GDA: variants seen among roughly 807,000 people sequenced by gnomAD.
The protein encoded by GDA is guanine deaminase.
Under a neutral mutation model 59.6 loss-of-function variants are expected in GDA, and 18 were observed. The observed-to-expected ratio is 0.30, with a 90% CI of 0.21 to 0.45. The LOEUF (loss-of-function observed/expected upper bound fraction) is 0.45, where lower values mean the gene tolerates loss of function less well. Ranked by LOEUF, GDA falls within the 20% of genes least tolerant of loss-of-function variation. GDA has a pLI of 1.00. For missense variants in GDA, 427 were observed against 552.3 expected (o/e 0.77, Z 2.27); for synonymous variants, 201 against 201.1 (o/e 1.00, Z 0.00).
chr9:72,253,024 C>G (rs1002531013), downstream of GDA, among the ~76,000 whole-genome samples: 1 of 152,108 alleles, frequency 6.6e-6, no homozygotes, highest in African/African-American at 2.4e-5. Flanking sequence ...ATTTTAGAAT[C>G]TAAATCAAGT....
intron 1 of GDA, among the ~76,000 whole-genome samples, chr9:72,172,974 A>G (rs895673270): frequency 2.0e-5 from 3 of 152,234 alleles, no homozygotes; most frequent in Non-Finnish European, 4.4e-5. Flanking sequence ...GGAGACAAAT[A>G]CCCTAACTGC....
intron 11 of GDA, 97 bp from the exon 12 acceptor site, chr9:72,245,051 C>A: frequency 8.9e-7 from 1 of 1,127,872 alleles, no homozygotes; most frequent in Non-Finnish European, 1.3e-6. Context: ...TTTTTTTCTC[C>A]TAGCGACATG....
rs906025586 is a variant in GDA, at chr9:72,248,864, G to T, written c.*522G>T. The T allele has an allele frequency of 1.0e-5, 10 of 984,294 alleles. No homozygotes were observed. The African/African-American group carries it at 1.7e-4, about 17-fold the overall frequency. 61.0% of individuals were successfully genotyped at this position (984,294 alleles called of 1,614,324 possible). ...GCATACTAATTTAAAAAGAGAACTT[G>T]TTGAAATTTAAAACGTGTTTCTAGG... On this transcript the variant is annotated 3_prime_UTR_variant, in exon 14 of 14. Transcript: ENST00000358399.
rs1231728096 is a variant in GDA, at chr9:72,249,996, T to C, written c.*1654T>C. The C allele has an allele frequency of 2.1e-6, 2 of 957,404 alleles. No homozygotes were observed. The highest frequency in any genetic ancestry group is 3.5e-5 in the African/African-American group (2 of 56,716). The allele number at this position is 957,404 out of a possible 1,614,324, so 59.3% of individuals were successfully genotyped here. A position where few individuals can be genotyped will look rare whatever the true frequency, so the allele number is the denominator to read the frequency against. ...GGGAACAAAAGTTAGTTTTATTTTTTTAATAAACAACAGAGTTTGTTTTGT... is the reference window on the plus strand; with the variant it reads ...GGGAACAAAAGTTAGTTTTATTTTTCTAATAAACAACAGAGTTTGTTTTGT... On this transcript the variant is annotated 3_prime_UTR_variant, in exon 14 of 14. Transcript: ENST00000358399.
chr9:72,199,561 T>G (rs192513279), intron 2 of GDA, among the ~76,000 whole-genome samples: 24 of 152,320 alleles, frequency 1.6e-4, no homozygotes, highest in African/African-American at 5.5e-4. Flanking sequence ...CCAAATATTT[T>G]AAAAGGGCGC....
At chr9:72,154,825 A>T (rs147833279) in intron 1 of GDA, among the ~76,000 whole-genome samples, 145 of 152,324 alleles carry the variant, frequency 9.5e-4, no homozygotes, top group Middle Eastern at 3.4e-3. Flanking sequence ...GACCTCAAAG[A>T]ATCTGCACTT....
chr9:72,116,107 G>T (rs1825428984), intron 1 of GDA, among the ~76,000 whole-genome samples: 1 of 151,920 alleles, frequency 6.6e-6, no homozygotes, highest in African/African-American at 2.4e-5. Flanking sequence ...GATGGTGCAT[G>T]CCTGTAATCC....
chr9:72,185,833 G>A (rs1209385685), intron 1 of GDA, among the ~76,000 whole-genome samples: 1 of 151,992 alleles, frequency 6.6e-6, no homozygotes, highest in Non-Finnish European at 1.5e-5. Flanking sequence ...TTTGGCTTTA[G>A]TATTCCCGAC....
intron 11 of GDA, among the ~76,000 whole-genome samples, chr9:72,242,308 G>A (rs1489382535): frequency 6.6e-6 from 1 of 152,158 alleles, no homozygotes. Context: ...TTAGTTGGTT[G>A]ATATGCAAAT....
intron 1 of GDA, among the ~76,000 whole-genome samples, chr9:72,119,270 C>T (rs1209030963): frequency 2.0e-5 from 3 of 152,114 alleles, no homozygotes; most frequent in Non-Finnish European, 2.9e-5. Context: ...TTCAGGAGGC[C>T]GAGGGGGGCA....
At chr9:72,139,910 A>G (rs1587325973) in intron 1 of GDA, among the ~76,000 whole-genome samples, 2 of 152,324 alleles carry the variant, frequency 1.3e-5, no homozygotes, top group East Asian at 1.9e-4. Context: ...ATCTGTGCCT[A>G]TCAGTTAGTT....
Position 72,249,258 on chromosome 9 carries a change from A to G in GDA, c.*916A>G, listed in dbSNP as rs1051125630. ...AAATGCTGGCATCCAGGAGCCGCCA[A>G]TACTAACAGGACAGGTTCCATTGCC... On this transcript the variant is annotated 3_prime_UTR_variant, in exon 14 of 14. Transcript: ENST00000358399. 1.5e-5 allele frequency: 15 copies of G among 985,276 alleles called. No homozygotes were observed. The highest frequency in any genetic ancestry group is 4.7e-5 in the South Asian group (1 of 21,286). The allele number at this position is 985,276 out of a possible 1,614,324, so 61.0% of individuals were successfully genotyped here.
Position 72,227,409 on chromosome 9 carries a change from A to G in GDA, c.823-534A>G, listed in dbSNP as rs548758609. On this transcript the variant is annotated intron_variant, in intron 8 of 13. Coordinates refer to ENST00000358399, the MANE Select transcript of GDA (RefSeq NM_004293.5). ...GTTAAAAGTTTATTTAGTTGAAAAT[A>G]TCAAGGCCATTGGCACTTACATTGA... Among the ~76,000 whole-genome samples the G allele has an allele frequency of 4.6e-4, 70 of 152,358 alleles. 1 individual carries two copies. Among genetic ancestry groups the G allele is most frequent in the Middle Eastern group, 3.4e-3 (1 of 294 alleles).
At chr9:72,123,128 T>G (rs545355677) in intron 1 of GDA, among the ~76,000 whole-genome samples, 53 of 152,104 alleles carry the variant, frequency 3.5e-4, no homozygotes, top group African/African-American at 1.3e-3. Context: ...CTTGCTTATC[T>G]CCCCATGATC....
intron 1 of GDA, among the ~76,000 whole-genome samples, chr9:72,175,804 G>A (rs1224692354): frequency 6.6e-6 from 1 of 152,226 alleles, no homozygotes; most frequent in Middle Eastern, 3.4e-3. Context: ...TTCAATAATA[G>A]GAACTAGTTT....
At chr9:72,169,150 A>T (rs973768468) in intron 1 of GDA, among the ~76,000 whole-genome samples, 4 of 152,204 alleles carry the variant, frequency 2.6e-5, no homozygotes, top group Non-Finnish European at 5.9e-5. Flanking sequence ...TGACACTATT[A>T]CATTGTTTCA....
chr9:72,222,306 G>C (rs559232570), intron 6 of GDA, among the ~76,000 whole-genome samples: 1 of 152,252 alleles, frequency 6.6e-6, no homozygotes, highest in South Asian at 2.1e-4. Context: ...TTTCTCTAAT[G>C]ATCAGTGATG....
chr9:72,204,729 A>T (rs1042518619), intron 3 of GDA, among the ~76,000 whole-genome samples: 1 of 152,210 alleles, frequency 6.6e-6, no homozygotes, highest in Admixed American at 6.5e-5. Flanking sequence ...AGAGAGGTAG[A>T]GTATCAAAGA....
intron 9 of GDA, chr9:72,228,518 TC>T (rs1564138252): frequency 1.3e-5 from 2 of 154,684 alleles, no homozygotes; most frequent in Non-Finnish European, 2.9e-5. Context: ...CTATTATAAT[TC>T]CCCAGAATAC....
Sources: allele counts gnomAD v4.1 joint callset (sites outside exome capture counted in the v4.1 genomes callset), GRCh38; gene constraint gnomAD v4.1.1; transcripts MANE v1.5; gene names NCBI Gene and HGNC (gene_info 2026-07-23, HGNC 2026-07-21).